Variants in SDK1 observed in about 807,000 individuals in gnomAD.
SDK1 encodes sidekick cell adhesion molecule 1.
Under a neutral mutation model 245.5 loss-of-function variants are expected in SDK1, and 157 were observed. That is an observed-to-expected ratio of 0.64 (90% confidence interval 0.56 to 0.73). SDK1 has a LOEUF of 0.73. Ranked by LOEUF, SDK1 falls within the 30% of genes least tolerant of loss-of-function variation. The pLI, the probability that SDK1 is intolerant of heterozygous loss-of-function variation, is 0.00. For missense variants in SDK1, 3,583 were observed against 3,002.3 expected (o/e 1.19, Z -4.52); for synonymous variants, 1,647 against 1,278.5 (o/e 1.29, Z -6.15).
intron 14 of SDK1, among the ~76,000 whole-genome samples, chr7:3,995,440 C>T (rs1230135482): frequency 1.3e-5 from 2 of 151,916 alleles, no homozygotes; most frequent in Non-Finnish European, 2.9e-5. Flanking sequence ...TCTTCCTCTA[C>T]TTGCGTTGTC....
intron 5 of SDK1, among the ~76,000 whole-genome samples, chr7:3,863,525 A>G (rs968038861): frequency 6.6e-6 from 1 of 152,186 alleles, no homozygotes; most frequent in Non-Finnish European, 1.5e-5. Flanking sequence ...ATCCATTTCC[A>G]GAACTTTTCC....
chr7:3,814,077 AT>A, intron 4 of SDK1, among the ~76,000 whole-genome samples: 1 of 131,740 alleles, frequency 7.6e-6, no homozygotes, highest in Non-Finnish European at 1.6e-5. Context: ...GTTCACTCTG[AT>A]GGTAGTTTCT....
Position 3,738,738 on chromosome 7 carries a change from G to A in SDK1, c.714-82712G>A, listed in dbSNP as rs114632689. Among the ~76,000 whole-genome samples the A allele has an allele frequency of 4.5e-4, 69 of 151,902 alleles. 1 individual carries two copies. Among genetic ancestry groups the A allele is most frequent in the African/African-American group, 1.4e-3 (58 of 41,446 alleles). ...TTTTGTAGTTTTCATAGTATGAGTC[G>A]TTTGCCTCCTTTCTTAAGTTTATTT... On this transcript the variant is annotated intron_variant, in intron 4 of 44. Transcript: ENST00000404826.
chr7:3,512,516 G>A (rs1037395887), intron 1 of SDK1, among the ~76,000 whole-genome samples: 1 of 151,886 alleles, frequency 6.6e-6, no homozygotes, highest in African/African-American at 2.4e-5. Context: ...GGTATGTTTC[G>A]TTTTGTAAGA....
chr7:3,889,572 A>G (rs552001248), intron 5 of SDK1, among the ~76,000 whole-genome samples: 1 of 152,050 alleles, frequency 6.6e-6, no homozygotes, highest in African/African-American at 2.4e-5. Context: ...CAGAGGAGCG[A>G]TCTCAGCTCA....
chr7:3,784,598 A>G (rs539735533), intron 4 of SDK1, among the ~76,000 whole-genome samples: 1 of 152,350 alleles, frequency 6.6e-6, no homozygotes, highest in East Asian at 1.9e-4. Flanking sequence ...TGGCTGACAG[A>G]TACATGAAGA....
At chr7:4,049,575 C>T (rs1180847163) in intron 18 of SDK1, 112 bp downstream of exon 18, 2 of 783,182 alleles carry the variant, frequency 2.6e-6, no homozygotes, top group Non-Finnish European at 4.3e-6. Flanking sequence ...CATTAAGATA[C>T]AGGGCGTCTT....
At chr7:3,333,296 TC>T (rs1449214769) in intron 1 of SDK1, among the ~76,000 whole-genome samples, 5 of 152,166 alleles carry the variant, frequency 3.3e-5, no homozygotes, top group Non-Finnish European at 5.9e-5. Context: ...TTCTAGACAT[TC>T]TAGGGAGGTC....
In SDK1 at chr7:3,382,128, TC is replaced by T. The variant is rs529586274; in HGVS notation, c.298+80245del. On this transcript the variant is annotated intron_variant, in intron 1 of 44. Coordinates refer to ENST00000404826, the MANE Select transcript of SDK1 (RefSeq NM_152744.4). ...TTTTATTTTTATTTTTTATTTTTTT[TC>T]AAACTTAAACATTTTTTTTTGTGTA... 1.1e-3 allele frequency among the ~76,000 whole-genome samples: 169 copies of T among 152,190 alleles called. 2 individuals are homozygous for T. Among genetic ancestry groups the T allele is most frequent in the African/African-American group, 3.9e-3 (161 of 41,488 alleles).
intron 4 of SDK1, among the ~76,000 whole-genome samples, chr7:3,707,145 G>C (rs1308646583): frequency 6.6e-6 from 1 of 152,086 alleles, no homozygotes; most frequent in Non-Finnish European, 1.5e-5. Context: ...TATGACATTA[G>C]ATTGTCAATT....
rs1189837904 is a variant in SDK1, at chr7:3,395,715, G to C, written c.298+93831G>C. Among the ~76,000 whole-genome samples, 7 of 151,786 alleles carry C rather than the reference G, an allele frequency of 4.6e-5. No homozygotes were observed. In the East Asian group the frequency reaches 5.8e-4, roughly 13 times the overall value. ...AGATTTTCTATTCCTTCTTTAGTCAGTTTTGGTCATTCGTGACTTTTTAGG... is the reference window on the plus strand; with the variant it reads ...AGATTTTCTATTCCTTCTTTAGTCACTTTTGGTCATTCGTGACTTTTTAGG... On this transcript the variant is annotated intron_variant, in intron 1 of 44. Coordinates refer to ENST00000404826, the MANE Select transcript of SDK1 (RefSeq NM_152744.4).
intron 1 of SDK1, among the ~76,000 whole-genome samples, chr7:3,447,741 G>T (rs1021719887): frequency 8.5e-6 from 1 of 118,066 alleles, no homozygotes; most frequent in African/African-American, 3.3e-5. Flanking sequence ...TTTCACTCTC[G>T]TTGCCCAGGC....
intron 1 of SDK1, among the ~76,000 whole-genome samples, chr7:3,395,324 G>A (rs1046523723): frequency 1.3e-5 from 2 of 151,872 alleles, no homozygotes; most frequent in African/African-American, 4.8e-5. Context: ...AATTAAAAAA[G>A]ATGGCTTATC....
chr7:3,606,087 A>T (rs1272998361), intron 1 of SDK1, among the ~76,000 whole-genome samples: 1 of 152,156 alleles, frequency 6.6e-6, no homozygotes, highest in Admixed American at 6.5e-5. Flanking sequence ...GGGTATTTCA[A>T]ACATCCTAAG....
intron 4 of SDK1, among the ~76,000 whole-genome samples, chr7:3,780,447 C>A (rs978328001): frequency 6.6e-6 from 1 of 152,234 alleles, no homozygotes. Flanking sequence ...AGAGGTACCT[C>A]TGTGTTTCTG....
chr7:3,540,881 A>T (rs1779034768), intron 1 of SDK1, among the ~76,000 whole-genome samples: 1 of 152,236 alleles, frequency 6.6e-6, no homozygotes, highest in Non-Finnish European at 1.5e-5. Flanking sequence ...TCAAGGAATC[A>T]CTATTTTTAT....
intron 19 of SDK1, among the ~76,000 whole-genome samples, chr7:4,053,221 C>CACCCCGTGCT: frequency 6.6e-6 from 1 of 152,236 alleles, no homozygotes; most frequent in East Asian, 1.9e-4. Context: ...TCGCCAGCTC[C>CACCCCGTGCT]ACCCCGTGCT....
At chr7:4,234,169 C>T (rs1246084957) in intron 41 of SDK1, among the ~76,000 whole-genome samples, 1 of 152,196 alleles carries the variant, frequency 6.6e-6, no homozygotes, top group African/African-American at 2.4e-5. Context: ...GGGATAGTAG[C>T]TGCTCTGGGC....
intron 1 of SDK1, among the ~76,000 whole-genome samples, chr7:3,595,564 C>G (rs1323548044): frequency 3.8e-4 from 58 of 151,890 alleles, no homozygotes; most frequent in South Asian, 2.1e-4. Flanking sequence ...AGTTATAATT[C>G]TATTCATTTT....
Sources: allele counts gnomAD v4.1 joint callset (sites outside exome capture counted in the v4.1 genomes callset), GRCh38; gene constraint gnomAD v4.1.1; transcripts MANE v1.5; gene names NCBI Gene and HGNC (gene_info 2026-07-23, HGNC 2026-07-21).